CACNB4: variants seen among roughly 807,000 people sequenced by gnomAD.
CACNB4 encodes the protein calcium voltage-gated channel auxiliary subunit beta 4.
A neutral mutation model predicts 71.2 loss-of-function variants in CACNB4; 32 were observed. The ratio of observed to expected loss-of-function variants is 0.45; its 90% CI spans 0.34 to 0.60. The LOEUF is 0.60. CACNB4 is among the 20% of genes least tolerant of loss of function. The probability of loss-of-function intolerance (pLI) is 0.01; values close to 1 mark genes in which losing one functional copy is unlikely to be tolerated. For missense variants in CACNB4, 464 were observed against 647.9 expected (o/e 0.72, Z 3.08); for synonymous variants, 231 against 236.9 (o/e 0.97, Z 0.23).
At chr2:151,844,436 G>A (rs986432750) in intron 12 of CACNB4, among the ~76,000 whole-genome samples, 7 of 152,146 alleles carry the variant, frequency 4.6e-5, no homozygotes, top group African/African-American at 1.7e-4. Flanking sequence ...AAGAGAAGCA[G>A]AGGCACAATG....
chr2:151,917,564 C>CAAAG (rs2151558408), intron 2 of CACNB4, among the ~76,000 whole-genome samples: 1 of 152,266 alleles, frequency 6.6e-6, no homozygotes, highest in Non-Finnish European at 1.5e-5. Context: ...TGGCCAGGTG[C>CAAAG]AGTGGCTCAT....
chr2:152,083,309 C>A (rs537593949), intron 2 of CACNB4, among the ~76,000 whole-genome samples: 8 of 146,654 alleles, frequency 5.5e-5, no homozygotes, highest in African/African-American at 2.0e-4. Flanking sequence ...CCATTAGCTG[C>A]AAAAAGAAAG....
At chr2:151,915,987 G>T (rs538133990) in intron 2 of CACNB4, among the ~76,000 whole-genome samples, 4 of 53,276 alleles carry the variant, frequency 7.5e-5, no homozygotes, top group East Asian at 3.0e-4. Flanking sequence ...TCCCTTGGCT[G>T]GGGGGAGGGG....
At chr2:152,002,006 A>G (rs182096959) in intron 2 of CACNB4, among the ~76,000 whole-genome samples, 3 of 152,334 alleles carry the variant, frequency 2.0e-5, no homozygotes, top group East Asian at 3.9e-4. Flanking sequence ...TTCTCCAAGG[A>G]GTGATCCACA....
At chr2:151,865,703 T>C (rs934043253) in intron 9 of CACNB4, 4 of 152,208 alleles carry the variant, frequency 2.6e-5, no homozygotes, top group Admixed American at 6.5e-5. Context: ...ACAGGAATCA[T>C]TGCTTCATGT....
intron 2 of CACNB4, among the ~76,000 whole-genome samples, chr2:151,938,933 G>A (rs932415685): frequency 1.3e-5 from 2 of 152,210 alleles, no homozygotes; most frequent in African/African-American, 2.4e-5. Flanking sequence ...AGTTCTATCA[G>A]CTCTGCCGTG....
At position 151,842,207 on chromosome 2, in the gene CACNB4, AGGTGC is replaced by A. The variant is rs2099836397; in HGVS notation, c.1117-124_1117-120del. ...TAGCTATTAGCTAAAATCAAATTTG[AGGTGC>A]TATATGGGCAGTTTCTAAAGTTAGG... is the stretch of plus-strand genomic sequence containing the variant. On this transcript the variant is annotated intron_variant, in intron 12 of 13. Coordinates refer to ENST00000539935, the MANE Select transcript of CACNB4 (RefSeq NM_000726.5). 3 of 770,432 alleles carry A rather than the reference AGGTGC, an allele frequency of 3.9e-6. No individual in the cohort carries two copies. In the African/African-American group the frequency reaches 5.2e-5, roughly 13 times the overall value. 47.7% of individuals were successfully genotyped at this position (770,432 alleles called of 1,614,324 possible). A position where few individuals can be genotyped will look rare whatever the true frequency, so the allele number is the denominator to read the frequency against.
intron 2 of CACNB4, among the ~76,000 whole-genome samples, chr2:151,996,994 T>C (rs1329057660): frequency 6.6e-6 from 1 of 152,154 alleles, no homozygotes; most frequent in Non-Finnish European, 1.5e-5. Flanking sequence ...TAAATATACA[T>C]CACAGGGTAT....
intron 2 of CACNB4, among the ~76,000 whole-genome samples, chr2:152,072,448 A>C (rs1485621909): frequency 6.6e-6 from 1 of 152,254 alleles, no homozygotes; most frequent in Admixed American, 6.5e-5. Flanking sequence ...AAGATCTGTA[A>C]TACTTACTTT....
intron 2 of CACNB4, among the ~76,000 whole-genome samples, chr2:151,983,675 TCACACACA>T (rs1553803380): frequency 0.017 from 2,362 of 141,504 alleles, 54 homozygotes; most frequent in African/African-American, 0.057. Context: ...TAAACTTTGG[TCACACACA>T]CACACACACA....
rs78631491 is a variant in CACNB4 at position 151,899,213 on chromosome 2, C to T, written c.148-15843G>A. On this transcript the variant is annotated intron_variant, in intron 2 of 13. Transcript: ENST00000539935. ...GAGAGACGAGTTCAAGAAATTCACA[C>T]TCAGTACTTTAACAGAGAGTTTAGG... Among the ~76,000 whole-genome samples the T allele has an allele frequency of 4.7e-3, 709 of 152,328 alleles. 1 individual carries two copies. The highest frequency in any genetic ancestry group is 7.6e-3 in the Non-Finnish European group (514 of 68,034).
intron 2 of CACNB4, among the ~76,000 whole-genome samples, chr2:151,950,396 A>G (rs1419315166): frequency 2.0e-5 from 3 of 152,228 alleles, no homozygotes; most frequent in Admixed American, 6.5e-5. Context: ...TTCAGGCCCT[A>G]TGGAAAGTCT....
At chr2:151,951,110 G>C (rs946250205) in intron 2 of CACNB4, among the ~76,000 whole-genome samples, 1 of 152,012 alleles carries the variant, frequency 6.6e-6, no homozygotes, top group Non-Finnish European at 1.5e-5. Context: ...ATTTTCAGTA[G>C]AGACGGGGTT....
chr2:151,992,789 C>T (rs1293215513), intron 2 of CACNB4, among the ~76,000 whole-genome samples: 1 of 152,206 alleles, frequency 6.6e-6, no homozygotes, highest in African/African-American at 2.4e-5. Flanking sequence ...AAACTTGATG[C>T]TATGAGCACT....
chr2:152,009,419 A>T (rs917702768), intron 2 of CACNB4, among the ~76,000 whole-genome samples: 2 of 152,178 alleles, frequency 1.3e-5, no homozygotes, highest in African/African-American at 4.8e-5. Flanking sequence ...AAATCTGAAC[A>T]AAGAATGGAC....
At chr2:151,868,369 C>T (rs1354623004) in intron 9 of CACNB4, 2 of 152,150 alleles carry the variant, frequency 1.3e-5, no homozygotes, top group East Asian at 3.8e-4. Context: ...AAATTTCCTA[C>T]ATTTCTGATA....
chr2:151,971,514 T>A (rs1265979455), intron 2 of CACNB4: 1 of 702,926 alleles, frequency 1.4e-6, no homozygotes, highest in Non-Finnish European at 2.6e-6. Context: ...CCGAGAGCTC[T>A]GCTTCCATCT....
At chr2:151,936,281 C>T (rs1359097946) in intron 2 of CACNB4, 1 of 152,168 alleles carries the variant, frequency 6.6e-6, no homozygotes, top group Non-Finnish European at 1.5e-5. Context: ...GGGGAGCAGC[C>T]AACTCTGTTT....
intron 4 of CACNB4, 58 bp downstream of exon 4, chr2:151,880,742 C>G: frequency 2.5e-6 from 4 of 1,577,086 alleles, no homozygotes; most frequent in Non-Finnish European, 3.4e-6. Flanking sequence ...TGGCTCAGAG[C>G]TGATTCCTGG....
Sources: allele counts gnomAD v4.1 joint callset (sites outside exome capture counted in the v4.1 genomes callset), GRCh38; gene constraint gnomAD v4.1.1; transcripts MANE v1.5; gene names NCBI Gene and HGNC (gene_info 2026-07-23, HGNC 2026-07-21).